Variants in NUCKS1 observed in about 807,000 individuals in gnomAD.
The protein encoded by NUCKS1 is nuclear ubiquitous casein and cyclin-dependent kinase substrate 1.
A neutral mutation model predicts 33.0 loss-of-function variants in NUCKS1; 2 were observed. That is an observed-to-expected ratio of 0.06 (90% CI 0.02 to 0.19). The LOEUF is 0.19. Among genes scored for constraint, NUCKS1 ranks in the 10% least tolerant of loss-of-function variants. The pLI is 1.00. For synonymous variants in NUCKS1, 106 were observed against 102.8 expected (o/e 1.03, Z -0.19); for missense variants, 201 against 293.6 (o/e 0.68, Z 2.31).
At chr1:205,733,295 G>C (rs1328625176) in intron 1 of NUCKS1, among the ~76,000 whole-genome samples, 1 of 152,164 alleles carries the variant, frequency 6.6e-6, no homozygotes, top group Non-Finnish European at 1.5e-5. Flanking sequence ...TTGTAAAATG[G>C]GAAAACATGT....
chr1:205,717,133 T>G lies in NUCKS1; in HGVS notation c.*1147A>C. On this transcript the variant is annotated 3_prime_UTR_variant, in exon 7 of 7. Coordinates refer to ENST00000367142, the MANE Select transcript of NUCKS1 (RefSeq NM_022731.5). ...TCACAGGGATGTACTTCTTATCACATTTCTATGAAGAAATGGGAAGATCGG... is the reference window on the plus strand; with the variant it reads ...TCACAGGGATGTACTTCTTATCACAGTTCTATGAAGAAATGGGAAGATCGG... 1 of 207,108 alleles carries G rather than the reference T, an allele frequency of 4.8e-6. No homozygotes were observed. The highest frequency in any genetic ancestry group is 8.5e-6 in the Non-Finnish European group (1 of 118,206). 12.8% of individuals were successfully genotyped at this position (207,108 alleles called of 1,614,324 possible). A position where few individuals can be genotyped will look rare whatever the true frequency, so the allele number is the denominator to read the frequency against.
At chr1:205,729,420 T>C in intron 2 of NUCKS1, 152 bp downstream of exon 2, 1 of 712,204 alleles carries the variant, frequency 1.4e-6, no homozygotes, top group South Asian at 1.6e-5. Flanking sequence ...AGTTCAACTT[T>C]TGCTTTGGTT....
chr1:205,728,455 A>T (rs1345838407), intron 2 of NUCKS1, among the ~76,000 whole-genome samples: 1 of 152,206 alleles, frequency 6.6e-6, no homozygotes, highest in Non-Finnish European at 1.5e-5. Context: ...AATTTTTCAA[A>T]TACCTTTTAT....
At chr1:205,718,954 C>A (rs1671875067) in intron 6 of NUCKS1, among the ~76,000 whole-genome samples, 1 of 152,160 alleles carries the variant, frequency 6.6e-6, no homozygotes, top group African/African-American at 2.4e-5. Context: ...TTAACAATGA[C>A]TAGTTCTACC....
At chr1:205,721,663 G>T (rs1338557233) in intron 4 of NUCKS1, among the ~76,000 whole-genome samples, 2 of 151,940 alleles carry the variant, frequency 1.3e-5, no homozygotes, top group South Asian at 2.1e-4. Context: ...ATTTAGAGGG[G>T]ATTGTGGAAA....
intron 1 of NUCKS1, among the ~76,000 whole-genome samples, chr1:205,749,340 A>G (rs12047038): frequency 0.22 from 34,225 of 152,200 alleles, 4,345 homozygotes; most frequent in Admixed American, 0.32. Context: ...CCCGGGGGGA[A>G]AAAAACGGGT....
chr1:205,722,398 AG>A (rs1671938053), intron 4 of NUCKS1, among the ~76,000 whole-genome samples: 1 of 152,232 alleles, frequency 6.6e-6, no homozygotes, highest in Non-Finnish European at 1.5e-5. Flanking sequence ...CTGGGATTAC[AG>A]GCACCCACCA....
At chr1:205,726,970 G>T (rs531747846) in intron 3 of NUCKS1, among the ~76,000 whole-genome samples, 56 of 150,588 alleles carry the variant, frequency 3.7e-4, no homozygotes, top group African/African-American at 1.3e-3. Context: ...TCTTGTTGTT[G>T]TTTTTTTTTC....
intron 1 of NUCKS1, among the ~76,000 whole-genome samples, chr1:205,741,930 T>C (rs571291970): frequency 1.6e-4 from 24 of 152,220 alleles, no homozygotes; most frequent in Non-Finnish European, 2.9e-4. Flanking sequence ...CGTTCATTTT[T>C]ACTCAGAGAA....
rs1192558088 is a variant in NUCKS1, at chr1:205,719,659, C to T, written c.400G>A (p.Glu134Lys). 6.2e-7 allele frequency: 1 copy of T among 1,609,738 alleles called. No homozygotes were observed. Among genetic ancestry groups the T allele is most frequent in the East Asian group, 2.2e-5 (1 of 44,838 alleles). ...PFQEKDSGSDEDFLMEDDDDS... is the reference protein window; with the variant it reads ...PFQEKDSGSDKDFLMEDDDDS... The stretch of plus-strand genomic sequence containing the variant: ...TCATCATCTTCCATTAGGAAATCTT[C>T]ATCGCTGCCGGAATCTTCTGAGAAG... The change falls in exon 6 of 7, where the codon GAA (glutamate) becomes AAA (lysine). Residue 134 changes from glutamate (E) to lysine (K), a missense_variant. Physicochemically the swap from Glu to Lys is moderately conservative, Grantham distance 56. Coordinates refer to ENST00000367142, the MANE Select transcript of NUCKS1 (RefSeq NM_022731.5).
rs1324970410 is a variant in NUCKS1, at chr1:205,716,165, A to G, written c.*2115T>C. The G allele has an allele frequency of 1.3e-5, 2 of 152,224 alleles. No individual in the cohort carries two copies. Among genetic ancestry groups the G allele is most frequent in the Admixed American group, 6.5e-5 (1 of 15,270 alleles). The allele number at this position is 152,224 out of a possible 1,614,324, so 9.4% of individuals were successfully genotyped here. ...ATGATTACCTCTAAAATATGTGCAT[A>G]TATCACAGAGATGTTAGTGCAGATT... On this transcript the variant is annotated 3_prime_UTR_variant, in exon 7 of 7. Transcript: ENST00000367142.
chr1:205,747,402 T>C (rs1654359146), intron 1 of NUCKS1, among the ~76,000 whole-genome samples: 1 of 152,154 alleles, frequency 6.6e-6, no homozygotes, highest in Non-Finnish European at 1.5e-5. Flanking sequence ...CTGCAAAGGG[T>C]AAAGACAGCA....
intron 1 of NUCKS1, among the ~76,000 whole-genome samples, chr1:205,746,384 G>A (rs1040707976): frequency 1.3e-5 from 2 of 151,432 alleles, no homozygotes; most frequent in Admixed American, 6.6e-5. Context: ...TCTTTTTAGA[G>A]GAAACTGACA....
Position 205,717,626 on chromosome 1 carries a change from C to T in NUCKS1, c.*654G>A. The T allele has an allele frequency of 2.0e-6, 2 of 985,168 alleles. No individual in the cohort carries two copies. The highest frequency in any genetic ancestry group is 2.4e-6 in the Non-Finnish European group (2 of 829,926). The allele number at this position is 985,168 out of a possible 1,614,324, so 61.0% of individuals were successfully genotyped here. A position where few individuals can be genotyped will look rare whatever the true frequency, so the allele number is the denominator to read the frequency against. On this transcript the variant is annotated 3_prime_UTR_variant, in exon 7 of 7. Coordinates refer to ENST00000367142, the MANE Select transcript of NUCKS1 (RefSeq NM_022731.5). ...ACCCTCAAATAAGGTCAGGTAACCCCATTGCCCACCCTCCCTACAAGGTAA... is the reference window on the plus strand; with the variant it reads ...ACCCTCAAATAAGGTCAGGTAACCCTATTGCCCACCCTCCCTACAAGGTAA...
Position 205,750,108 on chromosome 1 carries a change from C to CA in NUCKS1, c.-136dup. On this transcript the variant is annotated 5_prime_UTR_variant, in exon 1 of 7. Coordinates refer to ENST00000367142, the MANE Select transcript of NUCKS1 (RefSeq NM_022731.5). ...GCCGAACCCCGAGCTGCTGGCTTCT[C>CA]AAACTCCGCTGCTCTTTGGTTCAGG... 1 of 908,820 alleles carries CA rather than the reference C, an allele frequency of 1.1e-6. No homozygotes were observed. 56.3% of individuals were successfully genotyped at this position (908,820 alleles called of 1,614,324 possible). A position where few individuals can be genotyped will look rare whatever the true frequency, so the allele number is the denominator to read the frequency against.
At chr1:205,730,737 C>G (rs1464143814) in intron 1 of NUCKS1, among the ~76,000 whole-genome samples, 1 of 152,122 alleles carries the variant, frequency 6.6e-6, no homozygotes. Context: ...CCCGTCTTGG[C>G]CTCCCAAAGT....
At chr1:205,740,715 A>AT (rs907957304) in intron 1 of NUCKS1, among the ~76,000 whole-genome samples, 11 of 151,876 alleles carry the variant, frequency 7.2e-5, no homozygotes, top group South Asian at 2.1e-4. Flanking sequence ...AGAGCTCCTA[A>AT]TTTTTTCAAA....
At chr1:205,728,129 A>G (rs1211821449) in intron 2 of NUCKS1, among the ~76,000 whole-genome samples, 1 of 152,210 alleles carries the variant, frequency 6.6e-6, no homozygotes, top group African/African-American at 2.4e-5. Flanking sequence ...TGGTTATATT[A>G]CAAACATTTT....
chr1:205,750,021 C>CCA lies in NUCKS1; in HGVS notation c.-49_-48insTG. 9.6e-7 allele frequency: 1 copy of CCA among 1,045,718 alleles called. No homozygotes were observed. Among genetic ancestry groups the CCA allele is most frequent in the Admixed American group, 2.2e-5 (1 of 45,672 alleles). The allele number at this position is 1,045,718 out of a possible 1,614,324, so 64.8% of individuals were successfully genotyped here. A position where few individuals can be genotyped will look rare whatever the true frequency, so the allele number is the denominator to read the frequency against. On this transcript the variant is annotated 5_prime_UTR_variant, in exon 1 of 7. Coordinates refer to ENST00000367142, the MANE Select transcript of NUCKS1 (RefSeq NM_022731.5). ...AGTCGAGAAGCCAAAGACCAGGACC[C>CCA]CCCCCACCCCGCGCGCTCGGCGCCC... is the stretch of plus-strand genomic sequence containing the variant.
Sources: gnomAD v4.1 joint callset for allele counts (sites outside exome capture counted in the v4.1 genomes callset) on GRCh38, gnomAD v4.1.1 for gene constraint, MANE v1.5 for transcripts, NCBI Gene and HGNC (gene_info 2026-07-23, HGNC 2026-07-21) for gene names.